The following TCF12 variants were observed in gnomAD, a reference collection of about 807,000 sequenced individuals.
TCF12 encodes transcription factor 12, also known as DNA-binding protein HTF4.
A neutral mutation model predicts 86.0 loss-of-function variants in TCF12; 45 were observed. The observed-to-expected ratio is 0.52, with a 90% CI of 0.41 to 0.67. The LOEUF (loss-of-function observed/expected upper bound fraction) is 0.67. Ranked by LOEUF, TCF12 falls within the 30% of genes least tolerant of loss-of-function variation. The pLI is 0.00. For missense variants in TCF12, 881 were observed against 859.9 expected (o/e 1.02, Z -0.31); for synonymous variants, 330 against 299.6 (o/e 1.10, Z -1.05).
At chr15:57,240,172 A>G (rs975919631) in intron 12 of TCF12, among the ~76,000 whole-genome samples, 7 of 152,180 alleles carry the variant, frequency 4.6e-5, no homozygotes, top group African/African-American at 1.4e-4. Flanking sequence ...TCTTAATGAC[A>G]ACTGTATATC....
Position 57,231,256 on chromosome 15 carries a change from A to G in TCF12, c.684A>G (p.Gln228=), listed in dbSNP as rs1191429464. ...TGTTCGCTAGCACTTTCTTTATGCAAGGTAAGTACTACCAAACAATTGCCA... is the reference window on the plus strand; with the variant it reads ...TGTTCGCTAGCACTTTCTTTATGCAGGGTAAGTACTACCAAACAATTGCCA... ...TSMFASTFFM[Q]DGTHNSSDLW... Residue 228 remains glutamine, a splice_region_variant and synonymous_variant, in exon 9 of 21, where the codon CAA becomes CAG. Coordinates refer to ENST00000333725, the MANE Select transcript of TCF12 (RefSeq NM_207037.2). 2.5e-6 allele frequency: 4 copies of G among 1,604,206 alleles called. No homozygotes were observed. The South Asian group carries it at 3.3e-5, about 13-fold the overall frequency.
At chr15:56,950,349 C>T (rs1689903785) in intron 3 of TCF12, among the ~76,000 whole-genome samples, 1 of 152,146 alleles carries the variant, frequency 6.6e-6, no homozygotes, top group South Asian at 2.1e-4. Flanking sequence ...CCTTAGCCTC[C>T]TGAGTAGCTG....
intron 3 of TCF12, among the ~76,000 whole-genome samples, chr15:57,023,883 A>T (rs1410746819): frequency 2.0e-5 from 3 of 152,128 alleles, no homozygotes; most frequent in Admixed American, 6.6e-5. Flanking sequence ...TCCACCTCAG[A>T]TCATCAGGCA....
At chr15:57,165,539 A>ATTT (rs200604360) in intron 5 of TCF12, among the ~76,000 whole-genome samples, 3 of 144,634 alleles carry the variant, frequency 2.1e-5, no homozygotes, top group African/African-American at 7.6e-5. Context: ...TACTGTATTA[A>ATTT]TTTTTTTTTT....
chr15:56,939,791 G>A (rs931892155), intron 3 of TCF12, among the ~76,000 whole-genome samples: 2 of 152,098 alleles, frequency 1.3e-5, no homozygotes, highest in South Asian at 2.1e-4. Context: ...GAGTGGAGAC[G>A]TGAGGTGTTC....
chr15:57,060,664 A>C (rs1179974765), intron 3 of TCF12, among the ~76,000 whole-genome samples: 1 of 152,234 alleles, frequency 6.6e-6, no homozygotes, highest in Non-Finnish European at 1.5e-5. Context: ...ATAATATGGG[A>C]ATGATAATTC....
At chr15:57,012,824 AG>A (rs1226336072) in intron 3 of TCF12, among the ~76,000 whole-genome samples, 1 of 152,156 alleles carries the variant, frequency 6.6e-6, no homozygotes, top group African/African-American at 2.4e-5. Flanking sequence ...TACTCTCTAC[AG>A]GAATATTCCA....
At chr15:56,988,822 A>C (rs1259773280) in intron 3 of TCF12, among the ~76,000 whole-genome samples, 1 of 152,168 alleles carries the variant, frequency 6.6e-6, no homozygotes, top group East Asian at 1.9e-4. Context: ...GGATGGTAAA[A>C]GATGTAAAAA....
At chr15:56,961,042 A>G (rs2061727243) in intron 3 of TCF12, among the ~76,000 whole-genome samples, 1 of 150,840 alleles carries the variant, frequency 6.6e-6, no homozygotes, top group Non-Finnish European at 1.5e-5. Context: ...TGGGAGGCTG[A>G]GGCAGGAGAA....
chr15:57,139,831 C>T (rs1173971888), intron 5 of TCF12, among the ~76,000 whole-genome samples: 1 of 152,040 alleles, frequency 6.6e-6, no homozygotes, highest in Non-Finnish European at 1.5e-5. Flanking sequence ...CATAATCTCC[C>T]TATAGAAGAT....
chr15:57,171,757 C>G (rs1168047889), intron 6 of TCF12, among the ~76,000 whole-genome samples: 1 of 152,150 alleles, frequency 6.6e-6, no homozygotes, highest in East Asian at 1.9e-4. Flanking sequence ...ATAGATCATT[C>G]TGCAGTTAAA....
intron 8 of TCF12, among the ~76,000 whole-genome samples, chr15:57,206,582 C>CT (rs67531540): frequency 0.3 from 24,675 of 83,508 alleles, 4,151 homozygotes; most frequent in Non-Finnish European, 0.39. Context: ...CTTGTATTCT[C>CT]TTTTTTTTTT....
rs538630675 is a variant in TCF12, at chr15:57,042,994, A to G, written c.149-20756A>G. On this transcript the variant is annotated intron_variant, in intron 3 of 20. Transcript: ENST00000333725. The stretch of plus-strand genomic sequence containing the variant: ...TTAGATACTTCATATAAGTGGAATT[A>G]TGCAGTATTTGTCCTTTTGTGACTG... Among the ~76,000 whole-genome samples, 31 of 152,282 alleles carry G rather than the reference A, an allele frequency of 2.0e-4. 1 individual carries two copies. The highest frequency in any genetic ancestry group is 1.8e-4 in the Non-Finnish European group (12 of 68,016).
intron 8 of TCF12, among the ~76,000 whole-genome samples, chr15:57,223,872 A>G (rs2058743840): frequency 6.6e-6 from 1 of 151,718 alleles, no homozygotes; most frequent in Non-Finnish European, 1.5e-5. Context: ...CAGACTGTCC[A>G]TGGGCCCAAA....
chr15:57,127,690 C>A (rs1160977729), intron 5 of TCF12, among the ~76,000 whole-genome samples: 1 of 152,144 alleles, frequency 6.6e-6, no homozygotes, highest in Non-Finnish European at 1.5e-5. Flanking sequence ...ATTAGTCACT[C>A]CCAGTGAAAG....
At chr15:56,991,490 A>C (rs1388505902) in intron 3 of TCF12, among the ~76,000 whole-genome samples, 3 of 152,248 alleles carry the variant, frequency 2.0e-5, no homozygotes, top group Non-Finnish European at 4.4e-5. Context: ...TACTCAGTTC[A>C]GAAAATCTAA....
intron 3 of TCF12, among the ~76,000 whole-genome samples, chr15:56,984,296 AGG>A (rs1307920793): frequency 3.0e-5 from 2 of 67,524 alleles, no homozygotes; most frequent in Non-Finnish European, 6.5e-5. Context: ...GTGTGTGTGA[AGG>A]GTGGAGAGGG....
At chr15:57,186,536 A>G (rs2056676683) in intron 6 of TCF12, among the ~76,000 whole-genome samples, 1 of 152,190 alleles carries the variant, frequency 6.6e-6, no homozygotes, top group South Asian at 2.1e-4. Flanking sequence ...CAGCTTCACT[A>G]GTGAATTCTA....
intron 3 of TCF12, among the ~76,000 whole-genome samples, chr15:57,023,265 A>G (rs1158303835): frequency 1.3e-5 from 2 of 152,302 alleles, no homozygotes; most frequent in South Asian, 2.1e-4. Context: ...TTTATTGAGC[A>G]CTTGATATGT....
Sources: gnomAD v4.1 joint callset for allele counts (sites outside exome capture counted in the v4.1 genomes callset) on GRCh38, gnomAD v4.1.1 for gene constraint, MANE v1.5 for transcripts, NCBI Gene and HGNC (gene_info 2026-07-23, HGNC 2026-07-21) for gene names.